TTC17: variants seen among roughly 807,000 people sequenced by gnomAD.
TTC17 encodes tetratricopeptide repeat domain 17, also known as tetratricopeptide repeat protein 17.
A neutral mutation model predicts 143.8 loss-of-function variants in TTC17; 58 were observed. The observed-to-expected ratio is 0.40, with a 90% CI of 0.33 to 0.50. TTC17 has a LOEUF of 0.50. TTC17 is among the 20% of genes least tolerant of loss of function. TTC17 has a pLI of 0.49. For synonymous variants in TTC17, 501 were observed against 497.8 expected (o/e 1.01, Z -0.09); for missense variants, 1,273 against 1,392.5 (o/e 0.91, Z 1.37).
intron 1 of TTC17, chr11:43,379,028 G>C (rs1459170068): frequency 1.9e-6 from 1 of 517,452 alleles, no homozygotes; most frequent in Admixed American, 4.1e-5. Flanking sequence ...CTTCCAAGTT[G>C]GAGTTCACAG....
chr11:43,439,659 C>G (rs575360353), intron 16 of TTC17, among the ~76,000 whole-genome samples: 1 of 152,048 alleles, frequency 6.6e-6, no homozygotes, highest in Admixed American at 6.6e-5. Flanking sequence ...TTAATAGAGA[C>G]AGGGTTTCAC....
At chr11:43,379,444 A>G (rs931880053) in intron 2 of TTC17, 122 bp downstream of exon 2, 8 of 749,604 alleles carry the variant, frequency 1.1e-5, no homozygotes, top group Non-Finnish European at 1.5e-5. Flanking sequence ...TTTTGCGGGA[A>G]TATACTACCT....
At chr11:43,373,324 C>CTTTTT (rs1358080544) in intron 1 of TTC17, among the ~76,000 whole-genome samples, 1 of 134,820 alleles carries the variant, frequency 7.4e-6, no homozygotes, top group African/African-American at 2.7e-5. Context: ...TTAAAAGAAG[C>CTTTTT]TTTTTTTTTT....
chr11:43,381,453 G>A lies in TTC17; in HGVS notation c.249+2131G>A, dbSNP rs1193696471. Among the ~76,000 whole-genome samples the A allele has an allele frequency of 3.3e-5, 5 of 152,248 alleles. No homozygotes were observed. The East Asian group carries it at 9.7e-4, about 29-fold the overall frequency. On this transcript the variant is annotated intron_variant, in intron 2 of 23. Transcript: ENST00000039989. ...AGGGAGCTGACAGTATTCCATGCAA[G>A]ATGTAGGAACAGAACGAGGCTTACT...
chr11:43,384,529 C>T (rs1018051397), intron 2 of TTC17, among the ~76,000 whole-genome samples: 1 of 152,004 alleles, frequency 6.6e-6, no homozygotes, highest in African/African-American at 2.4e-5. Flanking sequence ...GTGGTGTGTG[C>T]CTATAGTCCC....
intron 21 of TTC17, among the ~76,000 whole-genome samples, chr11:43,473,001 C>T (rs1435915790): frequency 6.6e-6 from 1 of 151,620 alleles, no homozygotes; most frequent in African/African-American, 2.4e-5. Flanking sequence ...ATGATGAAAC[C>T]CCATCTCTAC....
chr11:43,456,828 GT>G (rs912458445), intron 21 of TTC17, among the ~76,000 whole-genome samples: 4 of 151,968 alleles, frequency 2.6e-5, no homozygotes, highest in Non-Finnish European at 4.4e-5. Context: ...CACATGACCA[GT>G]TTTTTTTCCA....
intron 21 of TTC17, among the ~76,000 whole-genome samples, chr11:43,470,037 A>C (rs1456060114): frequency 6.6e-6 from 1 of 152,232 alleles, no homozygotes; most frequent in Non-Finnish European, 1.5e-5. Context: ...GCTTTACAAA[A>C]TATGGACGGT....
chr11:43,420,967 G>A (rs1010447368), intron 16 of TTC17, among the ~76,000 whole-genome samples: 2 of 152,104 alleles, frequency 1.3e-5, no homozygotes, highest in African/African-American at 4.8e-5. Context: ...AAAACTGGGT[G>A]TGGTTTATTC....
chr11:43,456,909 A>G (rs966505985), intron 21 of TTC17, among the ~76,000 whole-genome samples: 1 of 152,168 alleles, frequency 6.6e-6, no homozygotes, highest in Non-Finnish European at 1.5e-5. Flanking sequence ...TAGGAACGGT[A>G]GAGTGAAATC....
chr11:43,425,010 G>T (rs935228837), intron 16 of TTC17, among the ~76,000 whole-genome samples: 3 of 152,170 alleles, frequency 2.0e-5, no homozygotes, highest in African/African-American at 7.2e-5. Flanking sequence ...ATATACACTT[G>T]TGTGTAGTGA....
Position 43,443,573 on chromosome 11 carries a change from G to C in TTC17, c.2500G>C (p.Ala834Pro), listed in dbSNP as rs762284885. The C allele has an allele frequency of 2.5e-6, 4 of 1,608,584 alleles. No homozygotes were observed. Among genetic ancestry groups the C allele is most frequent in the Non-Finnish European group, 2.5e-6 (3 of 1,176,876 alleles). The change falls in exon 17 of 24, where the codon GCA becomes CCA. Residue 834 changes from alanine (A) to proline (P), a missense_variant. Ala to Pro is a conservative substitution (Grantham distance 27). Transcript: ENST00000039989. ...AGACTGCAGAAGTGAAGATGATGAA[G>C]CAACAGAATGGGTAAGTTTGCCAAC... is the stretch of plus-strand genomic sequence containing the variant. ...YGDCRSEDDE[A>P]TEWITFQVKR...
At chr11:43,424,298 T>C (rs533248596) in intron 16 of TTC17, among the ~76,000 whole-genome samples, 1 of 151,668 alleles carries the variant, frequency 6.6e-6, no homozygotes, top group East Asian at 2.0e-4. Flanking sequence ...TTCGCCATGA[T>C]GGCCAGACTG....
chr11:43,446,163 C>G (rs898863866), intron 18 of TTC17: 10 of 1,322,658 alleles, frequency 7.6e-6, no homozygotes, highest in Non-Finnish European at 9.7e-6. Flanking sequence ...CAACCATGCT[C>G]ATGTTTTTAC....
intron 16 of TTC17, among the ~76,000 whole-genome samples, chr11:43,423,096 A>T (rs1349580494): frequency 6.6e-6 from 1 of 152,172 alleles, no homozygotes; most frequent in Non-Finnish European, 1.5e-5. Context: ...AGTTGTAGGT[A>T]TGTTGAAAGA....
At chr11:43,442,055 C>T (rs944894398) in intron 16 of TTC17, among the ~76,000 whole-genome samples, 2 of 152,106 alleles carry the variant, frequency 1.3e-5, no homozygotes, top group African/African-American at 2.4e-5. Context: ...TGCACTCCCG[C>T]GTTATATTGT....
chr11:43,436,079 T>C (rs1947285670), intron 16 of TTC17: 1 of 1,160,894 alleles, frequency 8.6e-7, no homozygotes, highest in African/African-American at 1.6e-5. Flanking sequence ...ACATTTTTGC[T>C]CTTCTTGATA....
chr11:43,427,592 A>G (rs1298943082), intron 16 of TTC17, among the ~76,000 whole-genome samples: 1 of 152,168 alleles, frequency 6.6e-6, no homozygotes, highest in Non-Finnish European at 1.5e-5. Context: ...CACAACACAT[A>G]CACATAAAAG....
intron 21 of TTC17, among the ~76,000 whole-genome samples, chr11:43,467,746 A>G (rs1051610986): frequency 2.0e-5 from 3 of 152,242 alleles, no homozygotes; most frequent in South Asian, 4.1e-4. Flanking sequence ...TTATTAGAAA[A>G]TATCCAAACT....
Sources: allele counts gnomAD v4.1 joint callset (sites outside exome capture counted in the v4.1 genomes callset), GRCh38; gene constraint gnomAD v4.1.1; transcripts MANE v1.5; gene names NCBI Gene and HGNC (gene_info 2026-07-23, HGNC 2026-07-21).